The following PCDH7 variants were observed in gnomAD, a reference collection of about 807,000 sequenced individuals.
The protein encoded by PCDH7 is protocadherin 7.
PCDH7 carries 17 observed loss-of-function variants against 58.9 expected under a neutral mutation model. The observed-to-expected ratio is 0.29, with a 90% CI of 0.20 to 0.43. The LOEUF is 0.43. Among genes scored for constraint, PCDH7 ranks in the 20% least tolerant of loss-of-function variants. PCDH7 has a pLI of 1.00. For synonymous variants in PCDH7, 664 were observed against 616.4 expected, an observed-to-expected ratio of 1.08 and a Z score of -1.14; for missense variants, 1,274 against 1,441.0, an observed-to-expected ratio of 0.88 and a Z score of 1.88.
At chr4:31,055,740 C>T (rs1168683517) in intron 3 of PCDH7, among the ~76,000 whole-genome samples, 1 of 151,882 alleles carries the variant, frequency 6.6e-6, no homozygotes, top group Non-Finnish European at 1.5e-5. Flanking sequence ...CCATGCCCGG[C>T]TAATTTTTGT....
At chr4:31,077,419 A>G (rs890293306) in intron 3 of PCDH7, among the ~76,000 whole-genome samples, 8 of 147,824 alleles carry the variant, frequency 5.4e-5, no homozygotes, top group African/African-American at 2.1e-4. Flanking sequence ...CAAAAAAAAA[A>G]AAAAAGAAAA....
chr4:31,119,953 T>G (rs1415624786), intron 3 of PCDH7, among the ~76,000 whole-genome samples: 1 of 151,896 alleles, frequency 6.6e-6, no homozygotes, highest in Non-Finnish European at 1.5e-5. Context: ...TTCAGGTTTT[T>G]TTTTTTTCCA....
intron 1 of PCDH7, among the ~76,000 whole-genome samples, chr4:30,813,939 C>T (rs1560397184): frequency 1.3e-5 from 2 of 152,132 alleles, no homozygotes; most frequent in African/African-American, 4.8e-5. Flanking sequence ...CGCGCCCAAT[C>T]GGCTTACTTT....
intron 1 of PCDH7, among the ~76,000 whole-genome samples, chr4:30,781,653 C>A (rs868741644): frequency 5.9e-5 from 9 of 151,786 alleles, no homozygotes; most frequent in African/African-American, 2.2e-4. Flanking sequence ...TCTCCTGCCT[C>A]AGCCTCCCAA....
intron 1 of PCDH7, among the ~76,000 whole-genome samples, chr4:30,800,226 T>C (rs944032079): frequency 2.0e-5 from 3 of 152,052 alleles, no homozygotes; most frequent in African/African-American, 7.2e-5. Context: ...TGTGGGGTCA[T>C]GAGCTGACTT....
chr4:31,089,192 T>A (rs1175798928), intron 3 of PCDH7, among the ~76,000 whole-genome samples: 1 of 152,094 alleles, frequency 6.6e-6, no homozygotes, highest in African/African-American at 2.4e-5. Context: ...CCAAATTACA[T>A]ACCAGTAGGT....
intron 3 of PCDH7, among the ~76,000 whole-genome samples, chr4:31,123,761 G>A (rs1338876505): frequency 6.6e-6 from 1 of 152,090 alleles, no homozygotes; most frequent in Non-Finnish European, 1.5e-5. Context: ...CAGATTGAAG[G>A]GTGGTGTATG....
intron 1 of PCDH7, among the ~76,000 whole-genome samples, chr4:30,748,108 T>A (rs1718004404): frequency 6.6e-6 from 1 of 152,182 alleles, no homozygotes; most frequent in East Asian, 1.9e-4. Flanking sequence ...TGTGAAAAAA[T>A]GTTTCACACT....
chr4:31,044,215 G>T (rs1308364871), intron 3 of PCDH7, among the ~76,000 whole-genome samples: 1 of 152,084 alleles, frequency 6.6e-6, no homozygotes. Flanking sequence ...GAAATTAGCA[G>T]GTTATGCAGA....
chr4:30,830,502 T>C (rs1357538732), intron 1 of PCDH7, among the ~76,000 whole-genome samples: 1 of 152,092 alleles, frequency 6.6e-6, no homozygotes, highest in East Asian at 1.9e-4. Context: ...GTTATTTTAG[T>C]TCCTTTTTTA....
downstream of PCDH7, among the ~76,000 whole-genome samples, chr4:30,735,783 T>C (rs1038366907): frequency 1.3e-5 from 2 of 152,128 alleles, no homozygotes; most frequent in Non-Finnish European, 2.9e-5. Context: ...AAGCAAATGT[T>C]TGTGGCCTGG....
intron 1 of PCDH7, among the ~76,000 whole-genome samples, chr4:30,875,676 A>G (rs1302628820): frequency 6.6e-6 from 1 of 152,100 alleles, no homozygotes; most frequent in African/African-American, 2.4e-5. Context: ...CACTTGGGTC[A>G]TGTTAGAATT....
chr4:30,991,289 A>G (rs1751443312), intron 3 of PCDH7, among the ~76,000 whole-genome samples: 1 of 152,160 alleles, frequency 6.6e-6, no homozygotes, highest in African/African-American at 2.4e-5. Context: ...GCCAGCCATC[A>G]TTTTTACCTA....
At chr4:30,796,641 T>A (rs1425145104) in intron 1 of PCDH7, among the ~76,000 whole-genome samples, 2 of 152,212 alleles carry the variant, frequency 1.3e-5, no homozygotes, top group Admixed American at 6.5e-5. Flanking sequence ...ACAATTTACT[T>A]CTTGTTTGAG....
intron 3 of PCDH7, among the ~76,000 whole-genome samples, chr4:31,139,117 A>C (rs1370641328): frequency 6.6e-6 from 1 of 152,194 alleles, no homozygotes. Context: ...AACCTCTACA[A>C]GTAATGCTAA....
intron 3 of PCDH7, among the ~76,000 whole-genome samples, chr4:31,141,305 GT>G (rs996615777): frequency 3.9e-5 from 6 of 152,194 alleles, no homozygotes; most frequent in Non-Finnish European, 8.8e-5. Context: ...AAATTCGTCA[GT>G]CTTTAAGTCC....
chr4:30,874,347 A>G (rs1158584220), intron 1 of PCDH7, among the ~76,000 whole-genome samples: 1 of 152,128 alleles, frequency 6.6e-6, no homozygotes, highest in Non-Finnish European at 1.5e-5. Flanking sequence ...CATATACACC[A>G]TGGAATACTA....
intron 3 of PCDH7, among the ~76,000 whole-genome samples, chr4:30,990,312 A>T (rs1447620694): frequency 6.6e-6 from 1 of 152,054 alleles, no homozygotes; most frequent in Non-Finnish European, 1.5e-5. Context: ...ATAGACACAC[A>T]CTATATATAC....
downstream of PCDH7, among the ~76,000 whole-genome samples, chr4:30,735,437 C>G (rs1050382684): frequency 1.3e-5 from 2 of 152,104 alleles, no homozygotes; most frequent in Non-Finnish European, 2.9e-5. Flanking sequence ...GAGAGCAGAG[C>G]GATGCCTTGC....
Sources: allele counts gnomAD v4.1 joint callset (sites outside exome capture counted in the v4.1 genomes callset), GRCh38; gene constraint gnomAD v4.1.1; transcripts MANE v1.5; gene names NCBI Gene and HGNC (gene_info 2026-07-23, HGNC 2026-07-21).